EPHA6: variants seen among roughly 807,000 people sequenced by gnomAD.
EPHA6 encodes EPH receptor A6, also known as ephrin type-A receptor 6.
A neutral mutation model predicts 112.0 loss-of-function variants in EPHA6; 50 were observed. That is an observed-to-expected ratio of 0.45 (90% CI 0.36 to 0.56). The LOEUF is 0.56. Among genes scored for constraint, EPHA6 ranks in the 20% least tolerant of loss-of-function variants. The probability of loss-of-function intolerance (pLI) is 0.00; values close to 1 mark genes in which losing one functional copy is unlikely to be tolerated. For synonymous variants in EPHA6, 529 were observed against 490.7 expected, an observed-to-expected ratio of 1.08 and a Z score of -1.03; for missense variants, 1,280 against 1,417.4, an observed-to-expected ratio of 0.90 and a Z score of 1.56.
At chr3:96,869,070 CACTT>C (rs1397544692) in intron 2 of EPHA6, among the ~76,000 whole-genome samples, 1 of 151,964 alleles carries the variant, frequency 6.6e-6, no homozygotes, top group Admixed American at 6.6e-5. Context: ...TTTTCTAAAA[CACTT>C]GCTTATCAAT....
At chr3:97,635,900 T>C (rs2093940704) in intron 13 of EPHA6, among the ~76,000 whole-genome samples, 1 of 152,124 alleles carries the variant, frequency 6.6e-6, no homozygotes, top group African/African-American at 2.4e-5. Context: ...CTTAAGTAAC[T>C]ATTTCTCATC....
intron 3 of EPHA6, among the ~76,000 whole-genome samples, chr3:97,132,532 C>A (rs1459760262): frequency 6.6e-6 from 1 of 151,964 alleles, no homozygotes; most frequent in African/African-American, 2.4e-5. Flanking sequence ...GAGTTATTGA[C>A]ATGTTTTCTT....
At chr3:97,604,283 A>G (rs1405921502) in intron 12 of EPHA6, among the ~76,000 whole-genome samples, 1 of 151,704 alleles carries the variant, frequency 6.6e-6, no homozygotes, top group African/African-American at 2.4e-5. Flanking sequence ...ATGTGACTCT[A>G]ATCTTACAAC....
Position 96,936,935 on chromosome 3 carries a change from G to A in EPHA6, c.451-50395G>A, listed in dbSNP as rs556084490. 1.8e-3 allele frequency among the ~76,000 whole-genome samples: 271 copies of A among 152,304 alleles called. 2 individuals are homozygous for A. The highest frequency in any genetic ancestry group is 6.3e-3 in the African/African-American group (262 of 41,580). ...TCATCCATGTCCCTACAAAGGCCATGAACTACTCCTTTTTTATGGCTGCAT... is the reference window on the plus strand; with the variant it reads ...TCATCCATGTCCCTACAAAGGCCATAAACTACTCCTTTTTTATGGCTGCAT... On this transcript the variant is annotated intron_variant, in intron 2 of 17. Coordinates refer to ENST00000389672, the MANE Select transcript of EPHA6 (RefSeq NM_001080448.3).
intron 3 of EPHA6, among the ~76,000 whole-genome samples, chr3:97,030,806 T>A (rs1179710123): frequency 2.0e-5 from 3 of 152,050 alleles, no homozygotes; most frequent in Admixed American, 2.0e-4. Context: ...GTCTTAAGAA[T>A]CATGTATACT....
chr3:97,541,876 T>C (rs1006078347), intron 11 of EPHA6, among the ~76,000 whole-genome samples: 2 of 151,802 alleles, frequency 1.3e-5, no homozygotes, highest in Non-Finnish European at 2.9e-5. Flanking sequence ...ACAGAACTAA[T>C]AGGATATATA....
At chr3:97,590,054 C>T (rs1417112926) in intron 11 of EPHA6, among the ~76,000 whole-genome samples, 1 of 152,126 alleles carries the variant, frequency 6.6e-6, no homozygotes, top group African/African-American at 2.4e-5. Flanking sequence ...TGCTGTTTCT[C>T]CTGAATAAAT....
chr3:97,251,445 G>A (rs2079138173), intron 5 of EPHA6, among the ~76,000 whole-genome samples: 2 of 152,024 alleles, frequency 1.3e-5, no homozygotes, highest in South Asian at 2.1e-4. Flanking sequence ...CAGGAGAATG[G>A]CCTGAACCCA....
At chr3:96,821,559 A>G (rs1053111507) in intron 1 of EPHA6, among the ~76,000 whole-genome samples, 8 of 152,058 alleles carry the variant, frequency 5.3e-5, no homozygotes, top group South Asian at 2.1e-4. Context: ...TTTGCCATAC[A>G]TAAAGGTTCA....
At chr3:96,862,623 C>G (rs1230135905) in intron 1 of EPHA6, among the ~76,000 whole-genome samples, 2 of 151,796 alleles carry the variant, frequency 1.3e-5, no homozygotes, top group African/African-American at 4.8e-5. Flanking sequence ...TGAATAAAAT[C>G]TCATCCTTTT....
At chr3:97,397,541 T>A (rs910629576) in intron 5 of EPHA6, among the ~76,000 whole-genome samples, 1 of 151,660 alleles carries the variant, frequency 6.6e-6, no homozygotes, top group Non-Finnish European at 1.5e-5. Flanking sequence ...TATATTGACC[T>A]GTAAATTGTT....
intron 6 of EPHA6, among the ~76,000 whole-genome samples, chr3:97,417,502 G>A (rs556278854): frequency 6.6e-6 from 1 of 151,980 alleles, no homozygotes; most frequent in Admixed American, 6.6e-5. Flanking sequence ...TAGGCATTTT[G>A]CAAGGCTCTT....
intron 14 of EPHA6, among the ~76,000 whole-genome samples, chr3:97,644,656 A>T (rs2107587608): frequency 6.6e-6 from 1 of 151,210 alleles, no homozygotes; most frequent in African/African-American, 2.4e-5. Context: ...AATACTACAA[A>T]CACCTCTACG....
intron 15 of EPHA6, among the ~76,000 whole-genome samples, chr3:97,720,852 C>T (rs2034496299): frequency 6.6e-6 from 1 of 152,118 alleles, no homozygotes; most frequent in South Asian, 2.1e-4. Context: ...TCAATATGTG[C>T]CATCTAGTAC....
intron 2 of EPHA6, among the ~76,000 whole-genome samples, chr3:96,973,599 A>G (rs2042398894): frequency 6.6e-6 from 1 of 151,810 alleles, no homozygotes; most frequent in African/African-American, 2.4e-5. Flanking sequence ...AGGGGGGCGG[A>G]TTGCCTGAGG....
chr3:97,051,491 T>C (rs928589126), intron 3 of EPHA6, among the ~76,000 whole-genome samples: 3 of 152,178 alleles, frequency 2.0e-5, no homozygotes, highest in African/African-American at 7.2e-5. Flanking sequence ...TTCAGTGTTA[T>C]GCAGAGTCTC....
intron 11 of EPHA6, among the ~76,000 whole-genome samples, chr3:97,541,366 T>C (rs1189549206): frequency 7.9e-5 from 12 of 152,186 alleles, no homozygotes; most frequent in Admixed American, 6.5e-4. Context: ...TTTTGCATAA[T>C]CATAAGATTA....
At chr3:97,740,693 C>T (rs1348499905) in intron 16 of EPHA6, among the ~76,000 whole-genome samples, 2 of 152,146 alleles carry the variant, frequency 1.3e-5, no homozygotes, top group Non-Finnish European at 1.5e-5. Context: ...TGCTGTAAGA[C>T]TGAATAGTAC....
In EPHA6 at chr3:97,225,511, C is replaced by A. The variant is rs538706033; in HGVS notation, c.1115-753C>A. ...ATTCTGAATTTTCAAAATTTTAGAACAATATGTTAATGATAACCTTTTTTG... is the reference window on the plus strand; with the variant it reads ...ATTCTGAATTTTCAAAATTTTAGAAAAATATGTTAATGATAACCTTTTTTG... On this transcript the variant is annotated intron_variant, in intron 3 of 17. Transcript: ENST00000389672. 9.9e-5 allele frequency among the ~76,000 whole-genome samples: 15 copies of A among 152,066 alleles called. No individual in the cohort carries two copies. In the South Asian group the frequency reaches 3.1e-3, roughly 32 times the overall value.
Sources: allele counts gnomAD v4.1 joint callset (sites outside exome capture counted in the v4.1 genomes callset), GRCh38; gene constraint gnomAD v4.1.1; transcripts MANE v1.5; gene names NCBI Gene and HGNC (gene_info 2026-07-23, HGNC 2026-07-21).